The following HIPK1 variants were observed in gnomAD, a reference collection of about 807,000 sequenced individuals.
HIPK1 encodes homeodomain-interacting protein kinase 1.
A neutral mutation model predicts 117.1 loss-of-function variants in HIPK1; 28 were observed. The ratio of observed to expected loss-of-function variants is 0.24; its 90% CI spans 0.18 to 0.33. The LOEUF is 0.33. Ranked by LOEUF, HIPK1 falls within the 10% of genes least tolerant of loss-of-function variation. The probability of loss-of-function intolerance (pLI) is 1.00; values close to 1 mark genes in which losing one functional copy is unlikely to be tolerated. For synonymous variants in HIPK1, 605 were observed against 562.5 expected (o/e 1.08, Z -1.07); for missense variants, 1,122 against 1,475.1 (o/e 0.76, Z 3.92).
chr1:113,957,376 TG>T, intron 7 of HIPK1, 90 bp downstream of exon 7: 1 of 1,024,402 alleles, frequency 9.8e-7, no homozygotes, highest in Non-Finnish European at 1.4e-6. Context: ...ATTTTTGTTT[TG>T]GTGGTCTTGT....
rs1669684477 is a variant in HIPK1 at position 113,929,499 on chromosome 1, C to G, written c.-36C>G. The G allele has an allele frequency of 7.8e-7, 1 of 1,289,316 alleles. No homozygotes were observed. 79.9% of individuals were successfully genotyped at this position (1,289,316 alleles called of 1,614,324 possible). ...ACTGCAATCAGTACTATGCGATCGT[C>G]CTAGAGAGTCCATTCAGCTGCACTT... On this transcript the variant is annotated 5_prime_UTR_variant, in exon 1 of 16. Transcript: ENST00000426820.
At chr1:113,944,345 G>A (rs1670849702) in intron 2 of HIPK1, among the ~76,000 whole-genome samples, 1 of 151,278 alleles carries the variant, frequency 6.6e-6, no homozygotes, top group Non-Finnish European at 1.5e-5. Flanking sequence ...TGTATTTTTA[G>A]TAGAGATGGG....
rs1420555434 is a variant in HIPK1, at chr1:113,975,093, G to A, written c.*1581G>A. On this transcript the variant is annotated 3_prime_UTR_variant, in exon 16 of 16. Transcript: ENST00000426820. Reference sequence around the variant, plus strand: ...GGTGTGTCTGGTGAGGAGTTTTTCAGTGTGTGTCTCTTCCTTCCCTTTCTT... The same window carrying A: ...GGTGTGTCTGGTGAGGAGTTTTTCAATGTGTGTCTCTTCCTTCCCTTTCTT... 6.5e-6 allele frequency: 1 copy of A among 152,812 alleles called. No individual in the cohort carries two copies. The highest frequency in any genetic ancestry group is 2.4e-5 in the African/African-American group (1 of 41,456). 9.5% of individuals were successfully genotyped at this position (152,812 alleles called of 1,614,324 possible).
chr1:113,947,131 T>C (rs1671037279), intron 2 of HIPK1, among the ~76,000 whole-genome samples: 1 of 152,226 alleles, frequency 6.6e-6, no homozygotes, highest in Non-Finnish European at 1.5e-5. Context: ...TATTATCAGC[T>C]CACATAAATT....
At position 113,941,697 on chromosome 1, in the gene HIPK1, T is replaced by C. The variant is rs1558129047; in HGVS notation, c.1076+238T>C. 6.6e-6 allele frequency among the ~76,000 whole-genome samples: 1 copy of C among 152,220 alleles called. No homozygotes were observed. The highest frequency in any genetic ancestry group is 2.4e-5 in the African/African-American group (1 of 41,458). On this transcript the variant is annotated intron_variant, in intron 2 of 15. Transcript: ENST00000426820. The surrounding 1 kb of genome is among the most constrained non-coding windows in gnomAD (Gnocchi z 4.9). The stretch of plus-strand genomic sequence containing the variant: ...ATTCTGAAAGTTGTTACTAGTTGAA[T>C]TATACTAGCACCTGGTTCTTTAGTA...
At chr1:113,931,922 A>T (rs557067491) in intron 1 of HIPK1, among the ~76,000 whole-genome samples, 104 of 152,168 alleles carry the variant, frequency 6.8e-4, no homozygotes, top group East Asian at 7.7e-4. Flanking sequence ...AGGTCTTTTT[A>T]AAAAAAATTT....
intron 5 of HIPK1, among the ~76,000 whole-genome samples, chr1:113,956,067 ATTTTTTTTTTTTTTT>A (rs755763487): frequency 2.2e-5 from 2 of 91,826 alleles, no homozygotes; most frequent in Admixed American, 2.6e-4. Flanking sequence ...TACTTGTTCC[ATTTTTTTTTTTTTTT>A]TTTTTTTTTT....
intron 8 of HIPK1, 144 bp from the exon 9 acceptor site, chr1:113,962,173 T>G (rs944303610): frequency 6.8e-6 from 5 of 731,432 alleles, no homozygotes; most frequent in Non-Finnish European, 1.0e-5. Flanking sequence ...AAGACTTCTA[T>G]GAATGAAACT....
chr1:113,967,739 C>G, intron 11 of HIPK1, 27 bp from the exon 12 acceptor site: 2 of 1,446,402 alleles, frequency 1.4e-6, no homozygotes, highest in African/African-American at 2.9e-5. Context: ...TTGGAATTCA[C>G]TCTTCTCTTT....
chr1:113,972,848 T>C (rs908927318), intron 15 of HIPK1, among the ~76,000 whole-genome samples, 176 bp from the exon 16 acceptor site: 5 of 152,174 alleles, frequency 3.3e-5, no homozygotes, highest in Non-Finnish European at 7.4e-5. Context: ...TCTATCTTGC[T>C]AAGAGGCAGA....
intron 8 of HIPK1, among the ~76,000 whole-genome samples, chr1:113,961,935 T>A: frequency 1.0e-5 from 1 of 98,378 alleles, no homozygotes; most frequent in South Asian, 3.8e-4. Flanking sequence ...AGAGCGAGAC[T>A]CCATCTCAAA....
intron 2 of HIPK1, among the ~76,000 whole-genome samples, chr1:113,944,159 GT>G (rs140161727): frequency 9.1e-3 from 500 of 55,164 alleles, no homozygotes; most frequent in African/African-American, 0.029. Flanking sequence ...ATAGCCATGG[GT>G]TTTTTTTTTT....
At position 113,974,986 on chromosome 1, in the gene HIPK1, A is replaced by AG. The variant is rs1673062608; in HGVS notation, c.*1474_*1475insG. The AG allele has an allele frequency of 2.0e-5, 3 of 152,814 alleles. No homozygotes were observed. The highest frequency in any genetic ancestry group is 1.3e-4 in the Admixed American group (2 of 15,290). 9.5% of individuals were successfully genotyped at this position (152,814 alleles called of 1,614,324 possible). A position where few individuals can be genotyped will look rare whatever the true frequency, so the allele number is the denominator to read the frequency against. On this transcript the variant is annotated 3_prime_UTR_variant, in exon 16 of 16. Transcript: ENST00000426820. ...GAATGTATGTGAACTAATTGCAATT[A>AG]TATTAGAGCATATTACTGTAGTGCT...
At position 113,941,720 on chromosome 1, in the gene HIPK1, G is replaced by T. The variant is rs1670648525; in HGVS notation, c.1076+261G>T. ...AATTATACTAGCACCTGGTTCTTTA[G>T]TATTATTTTACCTCATTTTCCCATT... On this transcript the variant is annotated intron_variant, in intron 2 of 15. Coordinates refer to ENST00000426820, the MANE Select transcript of HIPK1 (RefSeq NM_198268.3). This position sits in a 1 kb window ranked among gnomAD's most constrained non-coding sequence, Gnocchi z 4.9. 6.6e-6 allele frequency among the ~76,000 whole-genome samples: 1 copy of T among 151,864 alleles called. No individual in the cohort carries two copies. The highest frequency in any genetic ancestry group is 1.5e-5 in the Non-Finnish European group (1 of 67,944).
intron 8 of HIPK1, 57 bp from the exon 9 acceptor site, chr1:113,962,260 T>C (rs1672173760): frequency 1.3e-6 from 2 of 1,567,794 alleles, no homozygotes; most frequent in South Asian, 2.3e-5. Flanking sequence ...AAAATAATCT[T>C]AAAACAGTAC....
chr1:113,949,024 G>A (rs951957437), intron 2 of HIPK1, among the ~76,000 whole-genome samples: 1 of 152,068 alleles, frequency 6.6e-6, no homozygotes, highest in South Asian at 2.1e-4. Flanking sequence ...TTTTAGTAGA[G>A]ACTGGGTTTC....
At chr1:113,930,031 G>T in intron 1 of HIPK1, 1 of 984,964 alleles carries the variant, frequency 1.0e-6, no homozygotes, top group Non-Finnish European at 1.2e-6. Flanking sequence ...GGCTCTCCTG[G>T]AGCGCCCAGC....
At chr1:113,963,670 TG>T (rs930554227) in intron 10 of HIPK1, 149 bp downstream of exon 10, 3 of 770,520 alleles carry the variant, frequency 3.9e-6, no homozygotes, top group Admixed American at 6.1e-5. Flanking sequence ...CATGGAAGCA[TG>T]TGCCATCTTG....
chr1:113,937,591 G>A (rs1436191429), intron 1 of HIPK1, among the ~76,000 whole-genome samples: 1 of 152,122 alleles, frequency 6.6e-6, no homozygotes, highest in Non-Finnish European at 1.5e-5. Context: ...AGATAATTGA[G>A]TATGTATATA....
Sources: gnomAD v4.1 joint callset for allele counts (sites outside exome capture counted in the v4.1 genomes callset) on GRCh38, gnomAD v4.1.1 for gene constraint, Gnocchi (gnomAD v3.1) non-coding constraint, MANE v1.5 for transcripts, NCBI Gene and HGNC (gene_info 2026-07-23, HGNC 2026-07-21) for gene names.